Variants in FOXP2 observed in about 807,000 individuals in gnomAD.
FOXP2 encodes the protein forkhead box P2, also known as forkhead box protein P2.
Under a neutral mutation model 115.8 loss-of-function variants are expected in FOXP2, and 12 were observed. The ratio of observed to expected loss-of-function variants is 0.10; its 90% CI spans 0.07 to 0.17. FOXP2 has a LOEUF of 0.17. Ranked by LOEUF, FOXP2 falls within the 10% of genes least tolerant of loss-of-function variation. The probability of loss-of-function intolerance (pLI) is 1.00; values close to 1 mark genes in which losing one functional copy is unlikely to be tolerated. For missense variants in FOXP2, 629 were observed against 843.5 expected, an observed-to-expected ratio of 0.75 and a Z score of 3.15; for synonymous variants, 328 against 297.7, an observed-to-expected ratio of 1.10 and a Z score of -1.05.
intron 2 of FOXP2, among the ~76,000 whole-genome samples, chr7:114,348,908 G>A (rs772215498): frequency 8.5e-5 from 13 of 152,074 alleles, no homozygotes; most frequent in East Asian, 3.9e-4. Flanking sequence ...ACCTTGCCTC[G>A]TTTTTTTCTC....
intron 2 of FOXP2, among the ~76,000 whole-genome samples, chr7:114,460,120 A>G (rs1002358425): frequency 5.9e-5 from 9 of 151,906 alleles, no homozygotes; most frequent in African/African-American, 1.9e-4. Flanking sequence ...AATCACATTT[A>G]TTTATTTATT....
At chr7:114,470,908 G>C (rs1327184240) in intron 2 of FOXP2, among the ~76,000 whole-genome samples, 1 of 151,954 alleles carries the variant, frequency 6.6e-6, no homozygotes, top group African/African-American at 2.4e-5. Context: ...CCATTCCTGT[G>C]CCTTTTCCAT....
chr7:114,296,552 G>T (rs1031777412), intron 2 of FOXP2, among the ~76,000 whole-genome samples: 15 of 151,652 alleles, frequency 9.9e-5, no homozygotes, highest in African/African-American at 3.6e-4. Context: ...TACAATATAT[G>T]TGTTTTACAT....
rs879771053 is a variant in FOXP2, at chr7:114,658,178, G to A, written c.1379G>A (p.Gly460Glu). ...PTAPVTPITQGPSVITPASVP... is the reference protein window; with the variant it reads ...PTAPVTPITQEPSVITPASVP... ...GCCCCAGTCACCCCGATTACCCAGGGACCCTCAGTAATCACCCCAGCCAGT... is the reference window on the plus strand; with the variant it reads ...GCCCCAGTCACCCCGATTACCCAGGAACCCTCAGTAATCACCCCAGCCAGT... The change falls in exon 11 of 17, where the codon GGA becomes GAA. Residue 460 changes from glycine (G) to glutamate (E), a missense_variant. This residue lies in a region of FOXP2 where 101 missense variants were observed against 116.0 expected (regional missense o/e 0.87). Transcript: ENST00000350908. The A allele has an allele frequency of 3.7e-6, 6 of 1,613,606 alleles. No individual in the cohort carries two copies. The highest frequency in any genetic ancestry group is 5.1e-6 in the Non-Finnish European group (6 of 1,179,886).
chr7:114,536,107 G>A (rs1459338404), intron 3 of FOXP2, among the ~76,000 whole-genome samples: 1 of 151,466 alleles, frequency 6.6e-6, no homozygotes, highest in Non-Finnish European at 1.5e-5. Flanking sequence ...GATAGCAAAT[G>A]AAATGTTTAT....
At chr7:114,593,103 G>A (rs768237520) in intron 3 of FOXP2, among the ~76,000 whole-genome samples, 4 of 151,610 alleles carry the variant, frequency 2.6e-5, no homozygotes, top group Non-Finnish European at 4.4e-5. Context: ...TCTTTCAGTT[G>A]TTTTTTAAAA....
chr7:114,149,668 G>T (rs1792478874), intron 1 of FOXP2, among the ~76,000 whole-genome samples: 1 of 151,866 alleles, frequency 6.6e-6, no homozygotes, highest in South Asian at 2.1e-4. Context: ...AAATAAAAAA[G>T]AAATGAACAT....
chr7:114,312,837 T>C (rs1797179206), intron 2 of FOXP2, among the ~76,000 whole-genome samples: 1 of 152,162 alleles, frequency 6.6e-6, no homozygotes, highest in Non-Finnish European at 1.5e-5. Flanking sequence ...CGGGAAACAT[T>C]ACCTAATTCC....
chr7:114,342,624 A>T (rs1791245519), intron 2 of FOXP2, among the ~76,000 whole-genome samples: 1 of 151,452 alleles, frequency 6.6e-6, no homozygotes, highest in African/African-American at 2.4e-5. Context: ...AGCTTGATTG[A>T]TAGGTGAATC....
At chr7:114,120,185 T>C (rs1267138101) in intron 1 of FOXP2, among the ~76,000 whole-genome samples, 1 of 152,106 alleles carries the variant, frequency 6.6e-6, no homozygotes, top group Non-Finnish European at 1.5e-5. Context: ...GAGTCTGGTT[T>C]TGAGCAAACT....
At chr7:114,370,747 A>AATT (rs1446486616) in intron 2 of FOXP2, among the ~76,000 whole-genome samples, 1 of 152,158 alleles carries the variant, frequency 6.6e-6, no homozygotes, top group Admixed American at 6.5e-5. Context: ...AACAATGCTA[A>AATT]ATTTGTGGTT....
intron 8 of FOXP2, among the ~76,000 whole-genome samples, chr7:114,647,390 A>T (rs1040159574): frequency 6.6e-6 from 1 of 151,150 alleles, no homozygotes; most frequent in Non-Finnish European, 1.5e-5. Flanking sequence ...TATGTATCGT[A>T]TATATTTATG....
At chr7:114,626,565 A>G (rs182743030) in intron 3 of FOXP2, among the ~76,000 whole-genome samples, 11 of 151,066 alleles carry the variant, frequency 7.3e-5, no homozygotes, top group Non-Finnish European at 1.3e-4. Context: ...CTCTCTCTCT[A>G]TATATATCCA....
chr7:114,449,671 T>C (rs559948748), intron 2 of FOXP2, among the ~76,000 whole-genome samples: 2 of 152,242 alleles, frequency 1.3e-5, no homozygotes, highest in East Asian at 3.9e-4. Context: ...TTTTAGTCCC[T>C]ACTTTGCCAA....
chr7:114,182,322 T>G (rs535096704), intron 1 of FOXP2, among the ~76,000 whole-genome samples: 1 of 152,196 alleles, frequency 6.6e-6, no homozygotes, highest in South Asian at 2.1e-4. Context: ...AGTACTAGGT[T>G]CAATACTGTC....
intron 1 of FOXP2, among the ~76,000 whole-genome samples, chr7:114,140,623 G>A (rs1169561254): frequency 6.6e-6 from 1 of 152,220 alleles, no homozygotes; most frequent in East Asian, 1.9e-4. Context: ...GCACTGGCAG[G>A]TAACTAGGCT....
chr7:114,373,346 A>C (rs1792060958), intron 2 of FOXP2, among the ~76,000 whole-genome samples: 2 of 152,126 alleles, frequency 1.3e-5, no homozygotes, highest in South Asian at 2.1e-4. Context: ...AAGTTGCAAA[A>C]AAATCTGAGC....
chr7:114,687,769 C>A (rs1361349047), intron 16 of FOXP2, among the ~76,000 whole-genome samples: 2 of 152,008 alleles, frequency 1.3e-5, no homozygotes, highest in African/African-American at 4.8e-5. Flanking sequence ...GCTCAAGGGA[C>A]CCTCTCCAAC....
rs551500959 is a variant in FOXP2 at position 114,113,180 on chromosome 7, A to G, written c.-247+25342A>G. ...TGTAGGTAGGTAATTGGTGTTCACG[A>G]ACATGATCAAATTGGTACTGTGGAG... is the stretch of plus-strand genomic sequence containing the variant. On this transcript the variant is annotated intron_variant, in intron 1 of 19. Transcript: ENST00000635638. Among the ~76,000 whole-genome samples, 5 of 152,288 alleles carry G rather than the reference A, an allele frequency of 3.3e-5. No individual in the cohort carries two copies. The South Asian group carries it at 1.0e-3, about 32-fold the overall frequency.
Sources: allele counts gnomAD v4.1 joint callset (sites outside exome capture counted in the v4.1 genomes callset), GRCh38; gene constraint gnomAD v4.1.1; regional missense constraint gnomAD v4.1.1; transcripts MANE v1.5; gene names NCBI Gene and HGNC (gene_info 2026-07-23, HGNC 2026-07-21).